Variants in MAP4K1 observed in about 807,000 individuals in gnomAD.
The protein encoded by MAP4K1 is MAPK/ERK kinase kinase kinase 1.
MAP4K1 carries 35 observed loss-of-function variants against 122.8 expected under a neutral mutation model. The observed-to-expected ratio is 0.29, with a 90% CI of 0.22 to 0.38. The LOEUF (loss-of-function observed/expected upper bound fraction) is 0.38, where lower values mean the gene tolerates loss of function less well. Among genes scored for constraint, MAP4K1 ranks in the 10% least tolerant of loss-of-function variants. The pLI is 1.00. For missense variants in MAP4K1, 791 were observed against 1,072.6 expected (o/e 0.74, Z 3.67); for synonymous variants, 412 against 421.3 (o/e 0.98, Z 0.27).
chr19:38,589,841 G>A (rs1974651876), intron 30 of MAP4K1, among the ~76,000 whole-genome samples: 1 of 152,118 alleles, frequency 6.6e-6, no homozygotes, highest in Non-Finnish European at 1.5e-5. Flanking sequence ...ACCAGGCTAA[G>A]TAACATGGCG....
At chr19:38,608,449 T>C (rs1975395800) in intron 13 of MAP4K1, among the ~76,000 whole-genome samples, 1 of 151,774 alleles carries the variant, frequency 6.6e-6, no homozygotes, top group Admixed American at 6.6e-5. Context: ...ACCCAGAGTT[T>C]GAGACCTGCC....
Position 38,610,012 on chromosome 19 carries a change from G to T in MAP4K1, c.824C>A (p.Ser275Tyr). 4 of 1,612,870 alleles carry T rather than the reference G, an allele frequency of 2.5e-6. No homozygotes were observed. The highest frequency in any genetic ancestry group is 2.2e-5 in the East Asian group (1 of 44,878). ...CAGGCCTCGATTCAGCCCAGGCTGG[G>T]ATACCAGTTGATGCTGGCGGAGGGA... is the stretch of plus-strand genomic sequence containing the variant. ...ATKMLSHQLV[S>Y]QPGLNRGLIL... Residue 275 changes from serine to tyrosine, a missense_variant, in exon 12 of 31, where the codon TCC becomes TAC. Around this residue, in one of 4 missense-constraint regions of MAP4K1, gnomAD observed 303 missense variants for 344.8 expected, o/e 0.88. Transcript: ENST00000396857.
chr19:38,606,414 C>A (rs548848105), intron 16 of MAP4K1, among the ~76,000 whole-genome samples, 199 bp from the exon 17 acceptor site: 9 of 152,308 alleles, frequency 5.9e-5, no homozygotes, highest in Non-Finnish European at 1.2e-4. Flanking sequence ...AATCGCAGTG[C>A]TTTGGGAGGC....
At chr19:38,605,257 C>G in intron 19 of MAP4K1, 152 bp downstream of exon 19, 2 of 623,696 alleles carry the variant, frequency 3.2e-6, no homozygotes, top group Admixed American at 3.0e-5. Context: ...AAGCTTTATG[C>G]CATGTAATGA....
intron 13 of MAP4K1, 128 bp downstream of exon 13, chr19:38,609,468 G>T: frequency 2.5e-6 from 2 of 810,800 alleles, no homozygotes; most frequent in Non-Finnish European, 4.1e-6. Flanking sequence ...GTGCTGATGA[G>T]ATTGTCTGGG....
At position 38,617,494 on chromosome 19, in the gene MAP4K1, C is replaced by T. The variant is rs28435554; in HGVS notation, c.158-50G>A. ...GGCAGCTCGCATGGGGAGAGAGCTA[C>T]AGGGGAGGTGATCCCAGTGTCCCAG... On this transcript the variant is annotated intron_variant, in intron 2 of 30. Coordinates refer to ENST00000396857, the MANE Select transcript of MAP4K1 (RefSeq NM_001042600.3). This position sits in a 1 kb window ranked among gnomAD's most constrained non-coding sequence, Gnocchi z 4.1. 1.2e-6 allele frequency: 2 copies of T among 1,602,728 alleles called. No individual in the cohort carries two copies. Among genetic ancestry groups the T allele is most frequent in the Non-Finnish European group, 1.7e-6 (2 of 1,169,782 alleles).
At chr19:38,594,546 A>C (rs886556783) in intron 29 of MAP4K1, among the ~76,000 whole-genome samples, 3 of 152,132 alleles carry the variant, frequency 2.0e-5, no homozygotes, top group Admixed American at 1.3e-4. Flanking sequence ...AGGCTGAGGC[A>C]GGAGAATCAC....
chr19:38,595,926 G>A lies in MAP4K1; in HGVS notation c.2179+13C>T, dbSNP rs774308352. On this transcript the variant is annotated intron_variant, in intron 27 of 30. Transcript: ENST00000396857. ...GAGGGGTGGGGAGGAAGGGGAGGAA[G>A]GAGGGTTCTCACCATCCATCAACAC... is the stretch of plus-strand genomic sequence containing the variant. 6.2e-7 allele frequency: 1 copy of A among 1,613,638 alleles called. No homozygotes were observed. Among genetic ancestry groups the A allele is most frequent in the African/African-American group, 1.3e-5 (1 of 74,972 alleles).
chr19:38,592,198 C>G (rs1209213721), intron 30 of MAP4K1, among the ~76,000 whole-genome samples: 2 of 151,780 alleles, frequency 1.3e-5, no homozygotes, highest in African/African-American at 4.8e-5. Context: ...CAGTTGAGCT[C>G]AGAAGGTCAA....
At chr19:38,588,341 G>T (rs904451951) in intron 30 of MAP4K1, among the ~76,000 whole-genome samples, 4 of 152,028 alleles carry the variant, frequency 2.6e-5, no homozygotes, top group African/African-American at 7.2e-5. Context: ...AAGGACACAG[G>T]GGCTACTTAA....
intron 30 of MAP4K1, chr19:38,589,124 G>A (rs941032250): frequency 3.3e-5 from 5 of 151,282 alleles, no homozygotes; most frequent in African/African-American, 1.2e-4. Context: ...TAGATTCAGG[G>A]AAAAATCAAT....
At chr19:38,596,777 A>G (rs1200542448) in intron 25 of MAP4K1, among the ~76,000 whole-genome samples, 3 of 152,196 alleles carry the variant, frequency 2.0e-5, no homozygotes, top group East Asian at 3.8e-4. Context: ...AATGGGCTCT[A>G]CTAGGACACC....
chr19:38,617,866 A>G lies in MAP4K1; in HGVS notation c.30T>C (p.Asn10=), dbSNP rs1455592224. 1 of 1,614,004 alleles carries G rather than the reference A, an allele frequency of 6.2e-7. No individual in the cohort carries two copies. The highest frequency in any genetic ancestry group is 2.2e-5 in the East Asian group (1 of 44,878). The change falls in exon 1 of 31, where the codon AAT becomes AAC. Residue 10 remains asparagine, a synonymous_variant. Transcript: ENST00000396857. This position sits in a 1 kb window ranked among gnomAD's most constrained non-coding sequence, Gnocchi z 4.1. MDVVDPDIF[N]RDPRDHYDLL... ...GGTCATAGTGGTCCCGGGGGTCTCT[A>G]TTGAAAATGTCAGGGTCCACGACGT...
chr19:38,595,694 C>G lies in MAP4K1; in HGVS notation c.2215G>C (p.Val739Leu), dbSNP rs1458531313. ...ATCTCAGGTGTGCGAAGTCCCCGGA[C>G]TGGGGACCCCTCCGGGGTCACCAGC... ...VKLVTPEGSPVRGLRTPEIPM... is the reference protein window; with the variant it reads ...VKLVTPEGSPLRGLRTPEIPM... The change falls in exon 28 of 31, where the codon GTC (valine) becomes CTC (leucine). Residue 739 changes from valine (V) to leucine (L), a missense_variant. By Grantham distance (32) the Val-to-Leu change is conservative. This residue lies in a region of MAP4K1 where 267 missense variants were observed against 323.0 expected (regional missense o/e 0.83). Transcript: ENST00000396857. 6.2e-6 allele frequency: 10 copies of G among 1,612,144 alleles called. No homozygotes were observed. Among genetic ancestry groups the G allele is most frequent in the African/African-American group, 1.3e-5 (1 of 74,974 alleles).
chr19:38,595,926 G>C lies in MAP4K1; in HGVS notation c.2179+13C>G, dbSNP rs774308352. ...GAGGGGTGGGGAGGAAGGGGAGGAAGGAGGGTTCTCACCATCCATCAACAC... is the reference window on the plus strand; with the variant it reads ...GAGGGGTGGGGAGGAAGGGGAGGAACGAGGGTTCTCACCATCCATCAACAC... On this transcript the variant is annotated intron_variant, in intron 27 of 30. Transcript: ENST00000396857. 17 of 1,613,520 alleles carry C rather than the reference G, an allele frequency of 1.1e-5. No individual in the cohort carries two copies. In the African/African-American group the frequency reaches 2.3e-4, roughly 22 times the overall value.
chr19:38,609,678 G>A lies in MAP4K1; in HGVS notation c.928-4C>T. On this transcript the variant is annotated splice_region_variant and splice_polypyrimidine_tract_variant and intron_variant, in intron 12 of 30. Transcript: ENST00000396857. Reference sequence around the variant, plus strand: ...GCCGAGGGATAGCAGGGGGTAGCTGGGCAGAGGGGCAGCCACGTCAGGGCT... The same window carrying A: ...GCCGAGGGATAGCAGGGGGTAGCTGAGCAGAGGGGCAGCCACGTCAGGGCT... 1 of 1,609,602 alleles carries A rather than the reference G, an allele frequency of 6.2e-7. No homozygotes were observed. Among genetic ancestry groups the A allele is most frequent in the Non-Finnish European group, 8.5e-7 (1 of 1,178,130 alleles).
chr19:38,599,800 G>C, intron 22 of MAP4K1, 125 bp downstream of exon 22: 2 of 886,346 alleles, frequency 2.3e-6, no homozygotes, highest in Non-Finnish European at 3.7e-6. Context: ...TCTGGGATTT[G>C]AACCTAGGAC....
At chr19:38,606,237 A>G (rs777335368) in intron 16 of MAP4K1, 22 bp from the exon 17 acceptor site, 1 of 1,386,288 alleles carries the variant, frequency 7.2e-7, no homozygotes, top group Non-Finnish European at 9.9e-7. Context: ...AGATGGGTTA[A>G]ATAGCTGGGG....
In MAP4K1 at chr19:38,597,506, G is replaced by C. The variant is rs1341229014; in HGVS notation, c.1758C>G (p.Ser586Arg). The C allele has an allele frequency of 1.9e-6, 3 of 1,614,084 alleles. No homozygotes were observed. The highest frequency in any genetic ancestry group is 2.5e-6 in the Non-Finnish European group (3 of 1,179,998). The change falls in exon 23 of 31, where the codon AGC (serine) becomes AGG (arginine). Residue 586 changes from serine (S) to arginine (R), a missense_variant. Coordinates refer to ENST00000396857, the MANE Select transcript of MAP4K1 (RefSeq NM_001042600.3). The surrounding 1 kb of genome is among the most constrained non-coding windows in gnomAD (Gnocchi z 4.6). Reference protein sequence around the residue: ...TRAGNPIAHISPHRLLARKNM... With the variant: ...TRAGNPIAHIRPHRLLARKNM... ...GGTACCTTGCCAGTAGGCGGTGGGG[G>C]CTAATGTGAGCGATGGGGTTTCCTG...
Sources: allele counts gnomAD v4.1 joint callset (sites outside exome capture counted in the v4.1 genomes callset), GRCh38; gene constraint gnomAD v4.1.1; regional missense constraint gnomAD v4.1.1; non-coding constraint Gnocchi (gnomAD v3.1); transcripts MANE v1.5; gene names NCBI Gene and HGNC (gene_info 2026-07-23, HGNC 2026-07-21).